The following CCDC146 variants were observed in gnomAD, a reference collection of about 807,000 sequenced individuals.
CCDC146 encodes the protein coiled-coil domain-containing protein 146.
In CCDC146, 92 loss-of-function variants were observed where a neutral mutation model predicts 119.3. That is an observed-to-expected ratio of 0.77 (90% confidence interval 0.65 to 0.92). The LOEUF (loss-of-function observed/expected upper bound fraction) is 0.92. CCDC146 is among the 40% of genes least tolerant of loss of function. The pLI is 0.00. For synonymous variants in CCDC146, 372 were observed against 371.8 expected (o/e 1.00, Z -0.01); for missense variants, 1,000 against 1,103.0 (o/e 0.91, Z 1.32).
chr7:77,227,569 T>C (rs930206978), intron 2 of CCDC146, among the ~76,000 whole-genome samples: 2 of 152,212 alleles, frequency 1.3e-5, no homozygotes, highest in Admixed American at 1.3e-4. Flanking sequence ...CCTCCCAAAG[T>C]GCTGGCATTA....
rs578107720 is a variant in CCDC146, at chr7:77,164,115, C to T, written c.-11-3543C>T. On this transcript the variant is annotated intron_variant, in intron 1 of 18. Transcript: ENST00000285871. ...TGATCTCAGGTAATCCACCTGCCTCCGTCTCCCAAAGTGCTGAGATTACAG... is the reference window on the plus strand; with the variant it reads ...TGATCTCAGGTAATCCACCTGCCTCTGTCTCCCAAAGTGCTGAGATTACAG... Among the ~76,000 whole-genome samples the T allele has an allele frequency of 1.3e-4, 19 of 151,808 alleles. 1 individual carries two copies. Among genetic ancestry groups the T allele is most frequent in the Admixed American group, 1.2e-3 (19 of 15,238 alleles).
At chr7:77,212,620 C>CAAAAAAAAAAAAAAAAAAAAAAT (rs11449217) in intron 2 of CCDC146, among the ~76,000 whole-genome samples, 1 of 80,980 alleles carries the variant, frequency 1.2e-5, no homozygotes, top group Non-Finnish European at 2.4e-5. Context: ...GACTCCGTCT[C>CAAAAAAAAAAAAAAAAAAAAAAT]AAAAAAAAAA....
chr7:77,234,666 T>C (rs1168649080), intron 2 of CCDC146, among the ~76,000 whole-genome samples: 8 of 151,660 alleles, frequency 5.3e-5, no homozygotes, highest in Admixed American at 4.6e-4. Flanking sequence ...ACCCGGGAGG[T>C]AGAGGTTGCA....
At position 77,165,830 on chromosome 7, in the gene CCDC146, T is replaced by C. The variant is rs2117479810; in HGVS notation, c.-11-1828T>C. On this transcript the variant is annotated intron_variant, in intron 1 of 18. Coordinates refer to ENST00000285871, the MANE Select transcript of CCDC146 (RefSeq NM_020879.3). ...CAAAATAAAAGCAAACACACAGACA[T>C]TGCAATAAAACATGTCAAGGAGTTA... Among the ~76,000 whole-genome samples, 2 of 152,130 alleles carry C rather than the reference T, an allele frequency of 1.3e-5. 1 individual carries two copies. The highest frequency in any genetic ancestry group is 1.3e-4 in the Admixed American group (2 of 15,290).
At chr7:77,148,782 G>T (rs1462665144) in intron 1 of CCDC146, among the ~76,000 whole-genome samples, 1 of 151,938 alleles carries the variant, frequency 6.6e-6, no homozygotes, top group Non-Finnish European at 1.5e-5. Flanking sequence ...GGGATGTGAA[G>T]AACCTCTTCA....
At chr7:77,255,790 G>A (rs1000860593) in intron 5 of CCDC146, among the ~76,000 whole-genome samples, 31 of 152,274 alleles carry the variant, frequency 2.0e-4, no homozygotes, top group Middle Eastern at 3.4e-3. Flanking sequence ...TGGGGTAGAT[G>A]GTATTTGGGG....
At chr7:77,207,051 G>A (rs1019526306) in intron 2 of CCDC146, among the ~76,000 whole-genome samples, 15 of 151,818 alleles carry the variant, frequency 9.9e-5, no homozygotes, top group Admixed American at 6.6e-4. Context: ...ATGTGAACTC[G>A]CAATAAATGT....
Position 77,286,780 on chromosome 7 carries a change from A to T in CCDC146, c.2149-18A>T, listed in dbSNP as rs1562863005. ...AGCTAGAGCGTTCATTTTAAAGTTAATGTTTTTTTCTTAATAGTTTTCACA... is the reference window on the plus strand; with the variant it reads ...AGCTAGAGCGTTCATTTTAAAGTTATTGTTTTTTTCTTAATAGTTTTCACA... On this transcript the variant is annotated intron_variant, in intron 15 of 18. Coordinates refer to ENST00000285871, the MANE Select transcript of CCDC146 (RefSeq NM_020879.3). The T allele has an allele frequency of 1.2e-6, 2 of 1,610,952 alleles. No individual in the cohort carries two copies. The highest frequency in any genetic ancestry group is 3.4e-5 in the Admixed American group (2 of 59,508).
chr7:77,215,511 T>G (rs1383759028), intron 2 of CCDC146, among the ~76,000 whole-genome samples: 1 of 152,128 alleles, frequency 6.6e-6, no homozygotes, highest in Non-Finnish European at 1.5e-5. Flanking sequence ...TAAGAGGTAC[T>G]CATTGCTGCT....
Position 77,254,516 on chromosome 7 carries a change from G to GA in CCDC146, c.466dup (p.Ile156AsnfsTer8). 2 of 1,526,404 alleles carry GA rather than the reference G, an allele frequency of 1.3e-6. No individual in the cohort carries two copies. Among genetic ancestry groups the GA allele is most frequent in the Non-Finnish European group, 1.8e-6 (2 of 1,110,494 alleles). The allele number at this position is 1,526,404 out of a possible 1,614,324, so 94.6% of individuals were successfully genotyped here. ...TTTTTTTTTTTGCAGCTTAAAGGAAGAAAAAATCATCATAGTAAAAGAATT... is the reference window on the plus strand; with the variant it reads ...TTTTTTTTTTTGCAGCTTAAAGGAAGAAAAAAATCATCATAGTAAAAGAATT... On this transcript the variant is annotated frameshift_variant, in exon 5 of 19. Transcript: ENST00000285871.
At chr7:77,197,218 A>G (rs1791890974) in intron 2 of CCDC146, among the ~76,000 whole-genome samples, 1 of 152,236 alleles carries the variant, frequency 6.6e-6, no homozygotes, top group South Asian at 2.1e-4. Context: ...TAATGACAGC[A>G]TCAACAGCAA....
intron 1 of CCDC146, among the ~76,000 whole-genome samples, chr7:77,134,997 G>A (rs1361962180): frequency 1.3e-5 from 2 of 152,168 alleles, no homozygotes; most frequent in African/African-American, 4.8e-5. Context: ...CTGCATAGTG[G>A]TAGAAGGTGC....
chr7:77,191,676 AG>A (rs374417117), intron 2 of CCDC146, among the ~76,000 whole-genome samples: 1,851 of 152,232 alleles, frequency 0.012, 31 homozygotes, highest in African/African-American at 0.041. Context: ...TGGGAGGCCA[AG>A]GTGGGCGGAT....
intron 2 of CCDC146, among the ~76,000 whole-genome samples, chr7:77,203,031 GC>G (rs35529684): frequency 0.6 from 63,265 of 104,994 alleles, 20,521 homozygotes; most frequent in Non-Finnish European, 0.72. Context: ...TAAAATACTT[GC>G]CCCCCCCCCC....
At position 77,287,551 on chromosome 7, in the gene CCDC146, C is replaced by T. The variant is rs1330721888; in HGVS notation, c.2389C>T (p.Gln797Ter). The change falls in exon 17 of 19, where the codon CAG (glutamine) becomes TAG (stop). Residue 797 changes from glutamine to a stop codon, truncating the protein, a stop_gained. Coordinates refer to ENST00000285871, the MANE Select transcript of CCDC146 (RefSeq NM_020879.3). LOFTEE classifies it high-confidence loss of function. The part of the protein sequence containing the change: ...RLCSKTQGCK[Q>*]DTLLLAKKMN... ...CTGCAGCAAAACTCAGGGCTGCAAG[C>T]AGGACACACTGCTCTTAGCCAAGAA... The T allele has an allele frequency of 4.3e-6, 7 of 1,613,698 alleles. No individual in the cohort carries two copies. The African/African-American group carries it at 6.7e-5, about 15-fold the overall frequency.
Position 77,278,936 on chromosome 7 carries a change from G to A in CCDC146, c.1530-1G>A, listed in dbSNP as rs1343750128. 2 of 1,608,142 alleles carry A rather than the reference G, an allele frequency of 1.2e-6. No homozygotes were observed. The highest frequency in any genetic ancestry group is 2.2e-5 in the South Asian group (2 of 89,540). The stretch of plus-strand genomic sequence containing the variant: ...TCAGTAAACACTTTGTATTTTTACA[G>A]ACTGAGAGAGTTTGCTAAACTGTAT... On this transcript the variant is annotated splice_acceptor_variant, in intron 12 of 18. Coordinates refer to ENST00000285871, the MANE Select transcript of CCDC146 (RefSeq NM_020879.3). LOFTEE classifies it high-confidence loss of function.
intron 2 of CCDC146, chr7:77,193,536 C>T (rs929316655): frequency 2.6e-5 from 4 of 152,154 alleles, no homozygotes; most frequent in African/African-American, 7.2e-5. Flanking sequence ...ATAACTTTTA[C>T]CTTTAAAACC....
intron 4 of CCDC146, among the ~76,000 whole-genome samples, chr7:77,248,379 A>G (rs533703574): frequency 3.3e-5 from 5 of 152,366 alleles, no homozygotes; most frequent in African/African-American, 1.2e-4. Context: ...CCACACTGCA[A>G]TATATCCATG....
chr7:77,170,549 C>T (rs1791405394), intron 2 of CCDC146, among the ~76,000 whole-genome samples: 1 of 152,102 alleles, frequency 6.6e-6, no homozygotes, highest in Admixed American at 6.6e-5. Context: ...GAGAAATCTC[C>T]AAACTGCTTT....
Sources: allele counts gnomAD v4.1 joint callset (sites outside exome capture counted in the v4.1 genomes callset), GRCh38; gene constraint gnomAD v4.1.1; transcripts MANE v1.5; gene names NCBI Gene and HGNC (gene_info 2026-07-23, HGNC 2026-07-21).